Variants in UROC1 observed in about 807,000 individuals in gnomAD.
UROC1 encodes the protein urocanate hydratase.
A neutral mutation model predicts 89.5 loss-of-function variants in UROC1; 79 were observed. The ratio of observed to expected loss-of-function variants is 0.88; its 90% CI spans 0.74 to 1.06. UROC1 has a LOEUF of 1.06. Ranked by LOEUF, UROC1 falls within the 50% of genes least tolerant of loss-of-function variation. The pLI is 0.00. For missense variants in UROC1, 885 were observed against 907.8 expected (o/e 0.97, Z 0.32); for synonymous variants, 361 against 354.8 (o/e 1.02, Z -0.20).
At chr3:126,483,813 A>G (rs1279211629) in intron 18 of UROC1, among the ~76,000 whole-genome samples, 1 of 152,182 alleles carries the variant, frequency 6.6e-6, no homozygotes, top group Non-Finnish European at 1.5e-5. Flanking sequence ...GTGCTGCCCT[A>G]TAAAGCACAC....
intron 15 of UROC1, 122 bp from the exon 16 acceptor site, chr3:126,492,638 T>TCTCA (rs2107536943): frequency 3.8e-6 from 3 of 779,680 alleles, no homozygotes; most frequent in Non-Finnish European, 6.6e-6. Flanking sequence ...CCTGAGCGCC[T>TCTCA]AACAAGGTCC....
intron 1 of UROC1, among the ~76,000 whole-genome samples, chr3:126,515,499 T>C (rs1936283840): frequency 1.0e-5 from 1 of 99,352 alleles, no homozygotes; most frequent in South Asian, 3.9e-4. Flanking sequence ...ACCTACCCCT[T>C]CCACTCCCCA....
chr3:126,507,807 G>C lies in UROC1; in HGVS notation c.541-4C>G, dbSNP rs199966536. ...GGGAGGAGTAGTTGGGAATGACCTG[G>C]AGAAGAGGATGGGGGCAGACAGAGG... On this transcript the variant is annotated splice_polypyrimidine_tract_variant and splice_region_variant and intron_variant, in intron 5 of 19. Coordinates refer to ENST00000290868, the MANE Select transcript of UROC1 (RefSeq NM_144639.3). The C allele has an allele frequency of 6.8e-5, 109 of 1,614,158 alleles. No individual in the cohort carries two copies. The Admixed American group carries it at 1.8e-3, about 26-fold the overall frequency.
At position 126,508,447 on chromosome 3, in the gene UROC1, C is replaced by T. The variant is rs1008757966; in HGVS notation, c.380G>A (p.Gly127Glu). 6.2e-7 allele frequency: 1 copy of T among 1,613,806 alleles called. No homozygotes were observed. The highest frequency in any genetic ancestry group is 1.7e-5 in the Admixed American group (1 of 59,986). Residue 127 changes from glycine to glutamate, a missense_variant, in exon 4 of 20, where the codon GGA (glycine) becomes GAA (glutamate). Coordinates refer to ENST00000290868, the MANE Select transcript of UROC1 (RefSeq NM_144639.3). Reference protein sequence around the residue: ...QFPQELVTYGGNGQVFSNWAQ... With the variant: ...QFPQELVTYGENGQVFSNWAQ... ...CCAGTTGCTGAACACCTGCCCATTTCCTCCATAGGTCACCAGCTCCTGGGG... is the reference window on the plus strand; with the variant it reads ...CCAGTTGCTGAACACCTGCCCATTTTCTCCATAGGTCACCAGCTCCTGGGG...
chr3:126,486,841 G>T (rs1243325095), intron 18 of UROC1, among the ~76,000 whole-genome samples: 1 of 152,210 alleles, frequency 6.6e-6, no homozygotes, highest in Non-Finnish European at 1.5e-5. Flanking sequence ...GCGTCCCTTT[G>T]GAGTAGCCAT....
chr3:126,517,036 T>C (rs1333949107), intron 1 of UROC1, among the ~76,000 whole-genome samples: 2 of 152,094 alleles, frequency 1.3e-5, no homozygotes, highest in East Asian at 3.9e-4. Flanking sequence ...AGCTGACAAA[T>C]GACAAAAGGG....
Position 126,507,816 on chromosome 3 carries a change from A to T in UROC1, c.541-13T>A. 6.2e-7 allele frequency: 1 copy of T among 1,614,036 alleles called. No individual in the cohort carries two copies. Among genetic ancestry groups the T allele is most frequent in the Non-Finnish European group, 8.5e-7 (1 of 1,179,992 alleles). ...AGTTGGGAATGACCTGGAGAAGAGG[A>T]TGGGGGCAGACAGAGGGGCTGAGGG... On this transcript the variant is annotated splice_polypyrimidine_tract_variant and intron_variant, in intron 5 of 19. Coordinates refer to ENST00000290868, the MANE Select transcript of UROC1 (RefSeq NM_144639.3).
intron 18 of UROC1, 48 bp from the exon 19 acceptor site, chr3:126,483,516 G>A (rs759074038): frequency 3.1e-5 from 48 of 1,548,638 alleles, no homozygotes; most frequent in Non-Finnish European, 4.1e-5. Flanking sequence ...GCCCAACACT[G>A]CACAGAGCAG....
Position 126,483,395 on chromosome 3 carries a change from T to A in UROC1, c.1864A>T (p.Met622Leu), listed in dbSNP as rs1935435839. The A allele has an allele frequency of 1.2e-6, 2 of 1,613,576 alleles. No homozygotes were observed. The highest frequency in any genetic ancestry group is 1.7e-6 in the Non-Finnish European group (2 of 1,180,026). The change falls in exon 19 of 20, where the codon ATG becomes TTG. Residue 622 changes from methionine to leucine, a missense_variant. Physicochemically the swap from Met to Leu is conservative, Grantham distance 15. Transcript: ENST00000290868. ...CCATTGGAGACATCCCAGCTGAGCA[T>A]CAGCCTGGCTCTCCCCTCGGCCTCC... ...TPEAEGRARL[M>L]LSWDVSNGVA...
At chr3:126,482,587 G>T in intron 19 of UROC1, 102 bp from the exon 20 acceptor site, 1 of 1,562,556 alleles carries the variant, frequency 6.4e-7, no homozygotes, top group East Asian at 2.3e-5. Flanking sequence ...GGACCTCTGA[G>T]GCTGTCCGTG....
At position 126,517,622 on chromosome 3, in the gene UROC1, G is replaced by A. The variant is rs560271047; in HGVS notation, c.98C>T (p.Thr33Ile). 4 of 1,612,150 alleles carry A rather than the reference G, an allele frequency of 2.5e-6. No individual in the cohort carries two copies. In the South Asian group the frequency reaches 3.3e-5, roughly 13 times the overall value. ...QAGVPHAPVR[T>I]PSLSPVEKQL... ...TTTCTCCACAGGGCTGAGGCTGGGG[G>A]TCCTGACAGGGGCATGGGGCACCCC... Residue 33 changes from threonine (T) to isoleucine (I), a missense_variant, in exon 1 of 20, where the codon ACC (threonine) becomes ATC (isoleucine). Physicochemically the swap from Thr to Ile is moderately conservative, Grantham distance 89 (BLOSUM62 -1). Transcript: ENST00000290868.
intron 14 of UROC1, 144 bp downstream of exon 14, chr3:126,497,907 G>T: frequency 2.8e-6 from 4 of 1,403,734 alleles, no homozygotes; most frequent in Non-Finnish European, 3.0e-6. Flanking sequence ...TGCCAGCTGA[G>T]CACCCACCAG....
At chr3:126,515,553 C>A (rs749359691) in intron 1 of UROC1, among the ~76,000 whole-genome samples, 1 of 88,500 alleles carries the variant, frequency 1.1e-5, no homozygotes, top group African/African-American at 4.6e-5. Context: ...GCACCCACCA[C>A]CTACCCCCTT....
At chr3:126,483,648 C>T (rs1159787223) in intron 18 of UROC1, among the ~76,000 whole-genome samples, 180 bp from the exon 19 acceptor site, 1 of 152,254 alleles carries the variant, frequency 6.6e-6, no homozygotes, top group African/African-American at 2.4e-5. Flanking sequence ...CTGGGAGCAG[C>T]GTGGTTACCT....
intron 18 of UROC1, among the ~76,000 whole-genome samples, chr3:126,486,856 G>C (rs1275904314): frequency 1.3e-5 from 2 of 152,242 alleles, no homozygotes; most frequent in African/African-American, 4.8e-5. Context: ...AGCCATGGTT[G>C]AGGGATAGAC....
At chr3:126,493,598 T>C (rs771668003) in intron 15 of UROC1, among the ~76,000 whole-genome samples, 1 of 152,136 alleles carries the variant, frequency 6.6e-6, no homozygotes, top group Non-Finnish European at 1.5e-5. Context: ...GGGGAGTTAG[T>C]GTTTAATGGG....
Position 126,505,828 on chromosome 3 carries a change from G to C in UROC1, c.686C>G (p.Ala229Gly). The C allele has an allele frequency of 6.2e-7, 1 of 1,613,840 alleles. No individual in the cohort carries two copies. Among genetic ancestry groups the C allele is most frequent in the Non-Finnish European group, 8.5e-7 (1 of 1,180,034 alleles). Residue 229 changes from alanine to glycine, a missense_variant, in exon 8 of 20, where the codon GCT becomes GGT. Ala to Gly is a moderately conservative substitution (Grantham distance 60). Transcript: ENST00000290868. The stretch of plus-strand genomic sequence containing the variant: ...CTCGATGCCCAGGTACCGACGTGCA[G>C]CATTCAACACGGTGAGCTGCAGGGA... ...VHGTVLTVLN[A>G]ARRYLGIEDL...
intron 16 of UROC1, among the ~76,000 whole-genome samples, chr3:126,490,565 A>C (rs1361742175): frequency 1.3e-5 from 2 of 152,156 alleles, no homozygotes; most frequent in Non-Finnish European, 2.9e-5. Context: ...CACGCCTGTA[A>C]TCACAGCTCG....
At chr3:126,483,493 G>A (rs201469912) in intron 18 of UROC1, 25 bp from the exon 19 acceptor site, 145 of 1,604,058 alleles carry the variant, frequency 9.0e-5, no homozygotes, top group Non-Finnish European at 1.2e-4. Context: ...GGAGTTTCCA[G>A]TTCATTCCTG....
Sources: allele counts gnomAD v4.1 joint callset (sites outside exome capture counted in the v4.1 genomes callset), GRCh38; gene constraint gnomAD v4.1.1; transcripts MANE v1.5; gene names NCBI Gene and HGNC (gene_info 2026-07-23, HGNC 2026-07-21).